The following BCL2L13 variants were observed in gnomAD, a reference collection of about 807,000 sequenced individuals.
The protein encoded by BCL2L13 is bcl-2-like protein 13.
Under a neutral mutation model 25.8 loss-of-function variants are expected in BCL2L13, and 13 were observed. That is an observed-to-expected ratio of 0.50 (90% CI 0.33 to 0.80). The LOEUF is 0.80. Among genes scored for constraint, BCL2L13 ranks in the 30% least tolerant of loss-of-function variants. BCL2L13 has a pLI of 0.02. For synonymous variants in BCL2L13, 244 were observed against 230.3 expected, an observed-to-expected ratio of 1.06 and a Z score of -0.54; for missense variants, 504 against 574.9, an observed-to-expected ratio of 0.88 and a Z score of 1.26.
chr22:17,707,991 A>G (rs2060639577), intron 6 of BCL2L13, among the ~76,000 whole-genome samples: 1 of 152,210 alleles, frequency 6.6e-6, no homozygotes, highest in Non-Finnish European at 1.5e-5. Context: ...ATTTTTACTT[A>G]GGTCTACCAC....
At chr22:17,632,330 G>T (rs530891667) in intron 1 of BCL2L13, among the ~76,000 whole-genome samples, 1 of 152,256 alleles carries the variant, frequency 6.6e-6, no homozygotes, top group African/African-American at 2.4e-5. Context: ...ATAAAGGAAG[G>T]ATTTAGTCAC....
chr22:17,656,335 C>CTTTTTTTTTTTT lies in BCL2L13; in HGVS notation c.121+525_121+536dup, dbSNP rs890631679. Among the ~76,000 whole-genome samples, 126 of 57,888 alleles carry CTTTTTTTTTTTT rather than the reference C, an allele frequency of 2.2e-3. 21 individuals are homozygous for CTTTTTTTTTTTT. The highest frequency in any genetic ancestry group is 2.6e-3 in the East Asian group (3 of 1,142). The allele number at this position is 57,888 out of a possible 152,430, so 38.0% of individuals were successfully genotyped here. A position where few individuals can be genotyped will look rare whatever the true frequency, so the allele number is the denominator to read the frequency against. Reference sequence around the variant, plus strand: ...CAAAAGTATTTTTTTTCATTTTATTCTTTTTTTTTTTTTTTTTTTTTTTTT... The same window carrying CTTTTTTTTTTTT: ...CAAAAGTATTTTTTTTCATTTTATTCTTTTTTTTTTTTTTTTTTTTTTTTTTTTTTTTTTTTT... On this transcript the variant is annotated intron_variant, in intron 2 of 6. Transcript: ENST00000317582.
At chr22:17,640,588 G>C (rs1293774628) in intron 1 of BCL2L13, among the ~76,000 whole-genome samples, 1 of 151,962 alleles carries the variant, frequency 6.6e-6, no homozygotes, top group East Asian at 1.9e-4. Flanking sequence ...GGCTGTTTGC[G>C]ATGGCTCACT....
chr22:17,635,946 T>G (rs2058098187), upstream of BCL2L13, among the ~76,000 whole-genome samples: 4 of 150,800 alleles, frequency 2.7e-5, no homozygotes, highest in South Asian at 8.6e-4. Context: ...CCTGACCTCG[T>G]GATCCGTCCC....
At chr22:17,725,143 C>T (rs1386422056) in intron 6 of BCL2L13, among the ~76,000 whole-genome samples, 3 of 152,226 alleles carry the variant, frequency 2.0e-5, no homozygotes, top group Non-Finnish European at 2.9e-5. Context: ...TCCGTGTCTG[C>T]AGCATTTCTC....
At chr22:17,666,052 A>G (rs1170917408) in intron 2 of BCL2L13, among the ~76,000 whole-genome samples, 2 of 152,282 alleles carry the variant, frequency 1.3e-5, no homozygotes, top group East Asian at 3.9e-4. Context: ...AAACTGTCTT[A>G]TGAAGTGATT....
chr22:17,655,614 T>A, intron 1 of BCL2L13, 48 bp from the exon 2 acceptor site: 1 of 1,426,580 alleles, frequency 7.0e-7, no homozygotes, highest in Non-Finnish European at 9.5e-7. Context: ...ACTGTTAAAG[T>A]GGCATGTAAT....
intron 4 of BCL2L13, among the ~76,000 whole-genome samples, chr22:17,693,241 C>A (rs2060155812): frequency 6.6e-6 from 1 of 151,116 alleles, no homozygotes; most frequent in Admixed American, 6.6e-5. Context: ...AATAAGCTAC[C>A]AGTAAGTGGT....
At chr22:17,713,460 A>ATTTT (rs34378723) in intron 6 of BCL2L13, among the ~76,000 whole-genome samples, 1 of 132,208 alleles carries the variant, frequency 7.6e-6, no homozygotes, top group African/African-American at 2.8e-5. Context: ...TTGAAAATGC[A>ATTTT]TTTTTTTTTT....
At chr22:17,670,261 A>G (rs1049779979) in intron 2 of BCL2L13, among the ~76,000 whole-genome samples, 7 of 152,002 alleles carry the variant, frequency 4.6e-5, no homozygotes, top group Admixed American at 3.3e-4. Context: ...TTGCATTTCC[A>G]TATTAATTTT....
chr22:17,660,303 CAAG>C (rs2146539612), intron 2 of BCL2L13, among the ~76,000 whole-genome samples: 1 of 146,498 alleles, frequency 6.8e-6, no homozygotes, highest in East Asian at 1.9e-4. Context: ...TTCGAAGAAA[CAAG>C]AATTGATTTT....
At chr22:17,723,942 CAAAA>C (rs1165754684) in intron 6 of BCL2L13, among the ~76,000 whole-genome samples, 3 of 132,572 alleles carry the variant, frequency 2.3e-5, no homozygotes, top group South Asian at 2.3e-4. Context: ...AAAAAAAAAA[CAAAA>C]AAAAACAAAA....
chr22:17,691,758 G>C (rs1309502757), intron 4 of BCL2L13, among the ~76,000 whole-genome samples: 1 of 152,168 alleles, frequency 6.6e-6, no homozygotes, highest in South Asian at 2.1e-4. Context: ...ACTTTATGGT[G>C]TAGTATAAGC....
chr22:17,663,457 G>A (rs996947222), intron 2 of BCL2L13, among the ~76,000 whole-genome samples: 2 of 152,088 alleles, frequency 1.3e-5, no homozygotes, highest in Non-Finnish European at 2.9e-5. Flanking sequence ...AACATCATGC[G>A]ATACCAAATA....
chr22:17,670,744 G>C (rs985429041), intron 2 of BCL2L13, among the ~76,000 whole-genome samples: 2 of 152,158 alleles, frequency 1.3e-5, no homozygotes, highest in Non-Finnish European at 2.9e-5. Flanking sequence ...GATGTGTACT[G>C]TTTCATTCTT....
At chr22:17,640,472 G>A (rs1305430136) in intron 1 of BCL2L13, among the ~76,000 whole-genome samples, 1 of 152,124 alleles carries the variant, frequency 6.6e-6, no homozygotes, top group Admixed American at 6.6e-5. Flanking sequence ...AAACAGACTT[G>A]TGTTTACTAG....
At chr22:17,715,327 A>G (rs764171503) in intron 6 of BCL2L13, among the ~76,000 whole-genome samples, 43 of 149,106 alleles carry the variant, frequency 2.9e-4, no homozygotes, top group Non-Finnish European at 5.6e-4. Context: ...GACTACAGGC[A>G]TGCGCAACCA....
chr22:17,716,076 T>G (rs1444355970), intron 6 of BCL2L13, among the ~76,000 whole-genome samples: 3 of 152,206 alleles, frequency 2.0e-5, no homozygotes, highest in Admixed American at 6.6e-5. Flanking sequence ...ATTGAGAAGA[T>G]GACTAATACA....
chr22:17,709,964 G>GGAGGCTGAGGCAGGAGGATCACTT (rs1213391933), intron 6 of BCL2L13, among the ~76,000 whole-genome samples: 2 of 150,640 alleles, frequency 1.3e-5, no homozygotes, highest in Non-Finnish European at 2.9e-5. Flanking sequence ...CATTTACTCA[G>GGAGGCTGAGGCAGGAGGATCACTT]GAGGCTGAGG....
Sources: gnomAD v4.1 joint callset for allele counts (sites outside exome capture counted in the v4.1 genomes callset) on GRCh38, gnomAD v4.1.1 for gene constraint, MANE v1.5 for transcripts, NCBI Gene and HGNC (gene_info 2026-07-23, HGNC 2026-07-21) for gene names.